HYCC2: variants seen among roughly 807,000 people sequenced by gnomAD.
HYCC2 encodes the protein hyccin PI4KA lipid kinase complex subunit 2.
At chr2:201,070,235 T>C in the HYCC2 span, among the ~76,000 whole-genome samples, 2 of 152,172 alleles carry the variant, frequency 1.3e-5, no homozygotes, top group African/African-American at 4.8e-5. Flanking sequence ...TAAGATAATT[T>C]AGTTAATTAT....
chr2:201,069,068 C>T, the HYCC2 span, among the ~76,000 whole-genome samples: 1 of 152,190 alleles, frequency 6.6e-6, no homozygotes, highest in Admixed American at 6.5e-5. Flanking sequence ...TTTGAAACTT[C>T]TGCCCATATT....
the HYCC2 span, among the ~76,000 whole-genome samples, chr2:201,062,666 A>AG: frequency 6.8e-6 from 1 of 146,450 alleles, no homozygotes. Context: ...AAAAAAAAAA[A>AG]CATTAGCCAG....
At chr2:200,982,459 TAACTC>T in the HYCC2 span, among the ~76,000 whole-genome samples, 1 of 152,220 alleles carries the variant, frequency 6.6e-6, no homozygotes, top group South Asian at 2.1e-4. Context: ...ATTTTTTAAA[TAACTC>T]AAAACTATAT....
chr2:201,017,266 T>A, the HYCC2 span: 1 of 892,880 alleles, frequency 1.1e-6, no homozygotes. Context: ...ATAATATTTT[T>A]AAAAGTCTTA....
chr2:201,030,997 C>T, the HYCC2 span, among the ~76,000 whole-genome samples: 2 of 152,174 alleles, frequency 1.3e-5, no homozygotes, highest in Non-Finnish European at 2.9e-5. Flanking sequence ...TTGTTGCAAT[C>T]AACACCCTTA....
At chr2:201,007,560 T>A in the HYCC2 span, among the ~76,000 whole-genome samples, 2 of 152,202 alleles carry the variant, frequency 1.3e-5, no homozygotes, top group Non-Finnish European at 2.9e-5. Flanking sequence ...TCATGGGCCA[T>A]CTATAAACTG....
chr2:201,023,773 A>G, the HYCC2 span: 4 of 510,416 alleles, frequency 7.8e-6, no homozygotes, highest in Non-Finnish European at 1.4e-5. Flanking sequence ...CATTATTCAT[A>G]TTAGTACCAT....
chr2:200,982,204 T>C, the HYCC2 span, among the ~76,000 whole-genome samples: 291 of 151,174 alleles, frequency 1.9e-3, 1 homozygote, highest in African/African-American at 6.4e-3. Flanking sequence ...TCATTCTTCT[T>C]CTGAAATGAC....
the HYCC2 span, chr2:201,063,732 A>G: frequency 6.3e-7 from 1 of 1,583,958 alleles, no homozygotes; most frequent in Non-Finnish European, 8.6e-7. Flanking sequence ...GGGAATGACA[A>G]CTTTGGTCAT....
chr2:200,991,812 G>A, the HYCC2 span, among the ~76,000 whole-genome samples: 2 of 151,902 alleles, frequency 1.3e-5, no homozygotes, highest in African/African-American at 4.8e-5. Flanking sequence ...TGTAATTCCA[G>A]CACTCTGGGA....
At chr2:201,070,437 G>A in the HYCC2 span, among the ~76,000 whole-genome samples, 1 of 152,082 alleles carries the variant, frequency 6.6e-6, no homozygotes, top group African/African-American at 2.4e-5. Context: ...CGGATCATCT[G>A]ACGTCCGGAG....
chr2:200,999,544 CT>C, the HYCC2 span, among the ~76,000 whole-genome samples: 1 of 151,712 alleles, frequency 6.6e-6, no homozygotes, highest in Non-Finnish European at 1.5e-5. Context: ...CACCACTACA[CT>C]TGGCTAATTT....
the HYCC2 span, among the ~76,000 whole-genome samples, chr2:201,023,436 T>C: frequency 2.6e-5 from 4 of 152,152 alleles, no homozygotes; most frequent in Non-Finnish European, 5.9e-5. Flanking sequence ...TACTCAACCA[T>C]AAATACTGAT....
At chr2:201,020,965 C>T in the HYCC2 span, among the ~76,000 whole-genome samples, 1 of 152,064 alleles carries the variant, frequency 6.6e-6, no homozygotes, top group Non-Finnish European at 1.5e-5. Flanking sequence ...GACGGGGTTT[C>T]ATCATGTTGG....
chr2:201,052,335 T>G, the HYCC2 span: 1 of 152,672 alleles, frequency 6.5e-6, no homozygotes, highest in East Asian at 1.9e-4. Flanking sequence ...CAGGTCACAG[T>G]GGCTCACGCT....
the HYCC2 span, chr2:201,063,051 G>A: frequency 1.6e-5 from 26 of 1,606,294 alleles, no homozygotes; most frequent in Non-Finnish European, 2.1e-5. Context: ...GGACGCCGCC[G>A]AAGAAGCATC....
the HYCC2 span, among the ~76,000 whole-genome samples, chr2:200,983,191 G>C: frequency 6.6e-6 from 1 of 152,164 alleles, no homozygotes. Flanking sequence ...TAATACATTT[G>C]CTTCTTTCAA....
the HYCC2 span, among the ~76,000 whole-genome samples, chr2:201,035,865 C>T: frequency 1.1e-4 from 16 of 152,222 alleles, no homozygotes; most frequent in African/African-American, 3.9e-4. Context: ...GCCGGAGGTC[C>T]ACTCCAGACC....
chr2:201,028,426 T>C, the HYCC2 span, among the ~76,000 whole-genome samples: 2 of 152,186 alleles, frequency 1.3e-5, no homozygotes, highest in Non-Finnish European at 2.9e-5. Context: ...CCCAACAAGC[T>C]ACCAATGACT....
Sources: gnomAD v4.1 joint callset for allele counts (sites outside exome capture counted in the v4.1 genomes callset) on GRCh38, gnomAD v4.1.1 for gene constraint, MANE v1.5 for transcripts, NCBI Gene and HGNC (gene_info 2026-07-23, HGNC 2026-07-21) for gene names.